TIAM1: variants seen among roughly 807,000 people sequenced by gnomAD.
TIAM1 encodes the protein TIAM Rac1 associated GEF 1, also known as rho guanine nucleotide exchange factor TIAM1.
A neutral mutation model predicts 163.5 loss-of-function variants in TIAM1; 65 were observed. The observed-to-expected ratio is 0.40, with a 90% CI of 0.33 to 0.49. TIAM1 has a LOEUF of 0.49. Among genes scored for constraint, TIAM1 ranks in the 20% least tolerant of loss-of-function variants. The pLI, the probability that TIAM1 is intolerant of heterozygous loss-of-function variation, is 0.77. For missense variants in TIAM1, 1,789 were observed against 2,044.7 expected, an observed-to-expected ratio of 0.87 and a Z score of 2.41; for synonymous variants, 833 against 810.1, an observed-to-expected ratio of 1.03 and a Z score of -0.48.
At chr21:31,226,952 G>GTTTTT (rs35401090) in intron 6 of TIAM1, among the ~76,000 whole-genome samples, 6 of 112,596 alleles carry the variant, frequency 5.3e-5, no homozygotes, top group Non-Finnish European at 9.0e-5. Flanking sequence ...AAAATTCTGT[G>GTTTTT]TTTTTTTTTT....
At chr21:31,322,569 G>A (rs903063469) in intron 2 of TIAM1, among the ~76,000 whole-genome samples, 1 of 152,118 alleles carries the variant, frequency 6.6e-6, no homozygotes, top group Non-Finnish European at 1.5e-5. Flanking sequence ...AACCCACACT[G>A]AATCCTGAAC....
intron 2 of TIAM1, among the ~76,000 whole-genome samples, chr21:31,301,186 A>G (rs1270751633): frequency 6.6e-6 from 1 of 152,228 alleles, no homozygotes; most frequent in Non-Finnish European, 1.5e-5. Flanking sequence ...TCGAATGCAG[A>G]TGTGCTATCC....
chr21:31,369,005 C>T (rs540332793), intron 2 of TIAM1, among the ~76,000 whole-genome samples: 9 of 151,704 alleles, frequency 5.9e-5, no homozygotes, highest in African/African-American at 1.2e-4. Context: ...TTTGGGAGGC[C>T]GAGGCGGGCG....
Position 31,120,117 on chromosome 21 carries a change from GAAT to G in TIAM1, c.*248_*250del. ...AATTGTTCAGGCCCTGATTTATTGA[GAAT>G]AAATAAAAGCCCTTAGTAATATACA... On this transcript the variant is annotated 3_prime_UTR_variant, in exon 28 of 28. Coordinates refer to ENST00000541036, the MANE Select transcript of TIAM1 (RefSeq NM_001353694.2). This position sits in a 1 kb window ranked among gnomAD's most constrained non-coding sequence, Gnocchi z 4.2. The G allele has an allele frequency of 2.3e-6, 1 of 429,866 alleles. No individual in the cohort carries two copies. The allele number at this position is 429,866 out of a possible 1,614,324, so 26.6% of individuals were successfully genotyped here.
intron 1 of TIAM1, among the ~76,000 whole-genome samples, chr21:31,546,961 G>T (rs955093854): frequency 1.8e-4 from 9 of 49,472 alleles, no homozygotes; most frequent in African/African-American, 1.4e-3. Context: ...AAAATAGTGG[G>T]GGGGGGCTGG....
rs1003911640 is a variant in TIAM1 at position 31,141,946 on chromosome 21, T to C, written c.3476-442A>G. On this transcript the variant is annotated intron_variant, in intron 20 of 27. Transcript: ENST00000541036. This position sits in a 1 kb window ranked among gnomAD's most constrained non-coding sequence, Gnocchi z 4.7. ...TATAGAGTCCCCACACACTGCCACC[T>C]CCTGTCTGAGGCTCTTACACCCTGG... Among the ~76,000 whole-genome samples the C allele has an allele frequency of 9.2e-5, 14 of 152,096 alleles. No individual in the cohort carries two copies. The South Asian group carries it at 1.7e-3, about 18-fold the overall frequency.
chr21:31,294,851 C>T (rs1045767577), intron 2 of TIAM1, among the ~76,000 whole-genome samples: 4 of 152,176 alleles, frequency 2.6e-5, no homozygotes, highest in African/African-American at 7.2e-5. Flanking sequence ...GCCCCGCACA[C>T]GGCCTGAACG....
intron 1 of TIAM1, among the ~76,000 whole-genome samples, chr21:31,512,600 TTTTTCTTTTTTC>T (rs2047245471): frequency 6.7e-6 from 1 of 148,704 alleles, no homozygotes; most frequent in African/African-American, 2.5e-5. Context: ...CAGTCCTGTC[TTTTTCTTTTTTC>T]TTTTCTTTTT....
intron 1 of TIAM1, among the ~76,000 whole-genome samples, chr21:31,518,854 C>T (rs771606498): frequency 1.3e-5 from 2 of 152,142 alleles, no homozygotes; most frequent in Non-Finnish European, 2.9e-5. Flanking sequence ...TTAGGGATAG[C>T]CTGGAAAACA....
chr21:31,327,797 C>A (rs2147054250), intron 2 of TIAM1, among the ~76,000 whole-genome samples: 2 of 152,174 alleles, frequency 1.3e-5, no homozygotes, highest in Middle Eastern at 3.4e-3. Flanking sequence ...AATCGATGCC[C>A]AAACACAGGC....
chr21:31,394,476 A>G (rs1323802378), intron 2 of TIAM1, among the ~76,000 whole-genome samples: 5 of 152,136 alleles, frequency 3.3e-5, no homozygotes, highest in Non-Finnish European at 5.9e-5. Flanking sequence ...CAACACTGAG[A>G]GTGAAGCCTG....
chr21:31,416,720 T>C (rs114182174), intron 2 of TIAM1, among the ~76,000 whole-genome samples: 7,946 of 152,358 alleles, frequency 0.052, 388 homozygotes, highest in African/African-American at 0.13. Flanking sequence ...TTGGCTAATG[T>C]GCACACAAAG....
At chr21:31,193,255 G>A (rs971548750) in intron 13 of TIAM1, among the ~76,000 whole-genome samples, 3 of 152,226 alleles carry the variant, frequency 2.0e-5, no homozygotes, top group African/African-American at 7.2e-5. Context: ...CTGGTATCCT[G>A]AGAACTTGGA....
At chr21:31,388,531 A>C (rs1297272011) in intron 2 of TIAM1, among the ~76,000 whole-genome samples, 2 of 152,078 alleles carry the variant, frequency 1.3e-5, no homozygotes, top group Admixed American at 1.3e-4. Flanking sequence ...GGTGATGCAC[A>C]CCTATAGTCC....
chr21:31,315,742 G>A (rs927204170), intron 2 of TIAM1, among the ~76,000 whole-genome samples: 2 of 150,636 alleles, frequency 1.3e-5, no homozygotes, highest in African/African-American at 2.4e-5. Flanking sequence ...AGCACTTTGG[G>A]AGGCCGAGGC....
At chr21:31,263,450 C>T (rs796922919) in intron 4 of TIAM1, among the ~76,000 whole-genome samples, 7 of 152,286 alleles carry the variant, frequency 4.6e-5, no homozygotes, top group African/African-American at 1.7e-4. Flanking sequence ...GATGATCTCA[C>T]TTCCATATAT....
At chr21:31,489,546 A>AGGGAGGGAC in intron 1 of TIAM1, among the ~76,000 whole-genome samples, 1 of 92,452 alleles carries the variant, frequency 1.1e-5, no homozygotes, top group African/African-American at 5.3e-5. Flanking sequence ...GAGGGAGGGA[A>AGGGAGGGAC]AATTGTGCTA....
At chr21:31,451,712 TGTGTGC>T (rs1555985539) in intron 2 of TIAM1, among the ~76,000 whole-genome samples, 4,712 of 39,442 alleles carry the variant, frequency 0.12, 103 homozygotes, top group Non-Finnish European at 0.17. Flanking sequence ...TGAAAGCATG[TGTGTGC>T]GTGTGTGTGT....
chr21:31,124,375 A>G (rs1407885893), intron 27 of TIAM1, 147 bp downstream of exon 27: 1 of 1,174,298 alleles, frequency 8.5e-7, no homozygotes. Flanking sequence ...AAGGGCAAGG[A>G]ACCTCACACC....
Sources: gnomAD v4.1 joint callset for allele counts (sites outside exome capture counted in the v4.1 genomes callset) on GRCh38, gnomAD v4.1.1 for gene constraint, Gnocchi (gnomAD v3.1) non-coding constraint, MANE v1.5 for transcripts, NCBI Gene and HGNC (gene_info 2026-07-23, HGNC 2026-07-21) for gene names.